The following USH2A variants were observed in gnomAD, a reference collection of about 807,000 sequenced individuals.
The protein encoded by USH2A is usherin.
In USH2A, 443 loss-of-function variants were observed where a neutral mutation model predicts 538.9. The ratio of observed to expected loss-of-function variants is 0.82; its 90% CI spans 0.76 to 0.89. The LOEUF (loss-of-function observed/expected upper bound fraction) is 0.89, where lower values mean the gene tolerates loss of function less well. USH2A is among the 40% of genes least tolerant of loss of function. The pLI is 0.00. For synonymous variants in USH2A, 2,413 were observed against 2,273.5 expected (o/e 1.06, Z -1.75); for missense variants, 6,633 against 6,324.8 (o/e 1.05, Z -1.65).
chr1:215,877,818 T>C lies in USH2A; in HGVS notation c.8621A>G (p.Asn2874Ser), dbSNP rs369509994. The part of the protein sequence containing the change: ...PLASNPPEDL[N>S]RWHNIYSGTQ... The stretch of plus-strand genomic sequence containing the variant: ...TCCTGAATAAATATTGTGCCACCGA[T>C]TTAAATCTTCTGGGGGATTTGATGC... Residue 2874 changes from asparagine to serine, a missense_variant, in exon 43 of 72, where the codon AAT becomes AGT. Coordinates refer to ENST00000307340, the MANE Select transcript of USH2A (RefSeq NM_206933.4). 1 of 1,613,850 alleles carries C rather than the reference T, an allele frequency of 6.2e-7. No homozygotes were observed. Among genetic ancestry groups the C allele is most frequent in the Non-Finnish European group, 8.5e-7 (1 of 1,179,762 alleles).
chr1:216,117,031 A>G (rs897259611), intron 21 of USH2A, among the ~76,000 whole-genome samples: 3 of 152,114 alleles, frequency 2.0e-5, no homozygotes, highest in Non-Finnish European at 4.4e-5. Context: ...ACTCATGGCC[A>G]TTACCTCTCT....
intron 49 of USH2A, among the ~76,000 whole-genome samples, chr1:215,813,182 G>T (rs571649898): frequency 6.6e-6 from 1 of 152,154 alleles, no homozygotes; most frequent in Non-Finnish European, 1.5e-5. Context: ...AAAATGGCTA[G>T]CTAAGTTGGC....
At chr1:216,022,956 C>T (rs1228857251) in intron 32 of USH2A, among the ~76,000 whole-genome samples, 2 of 152,006 alleles carry the variant, frequency 1.3e-5, no homozygotes, top group Non-Finnish European at 2.9e-5. Flanking sequence ...GTGGAGTAAC[C>T]GTGGCACTTA....
chr1:215,836,537 T>TA (rs1418618058), intron 47 of USH2A, among the ~76,000 whole-genome samples: 2 of 25,386 alleles, frequency 7.9e-5, no homozygotes, highest in Non-Finnish European at 1.3e-4. Context: ...TATATATATA[T>TA]ATATAATATA....
At chr1:216,183,520 C>T (rs1016695680) in intron 20 of USH2A, among the ~76,000 whole-genome samples, 1 of 151,800 alleles carries the variant, frequency 6.6e-6, no homozygotes, top group African/African-American at 2.4e-5. Context: ...ACTCACCAAC[C>T]GATTTAAGAT....
Position 215,893,977 on chromosome 1 carries a change from A to T in USH2A, c.7595-4923T>A, listed in dbSNP as rs59845231. ...GGAGAAAATCTATGCAACAGAAAAC[A>T]AAGTATGTAGTGAAAACATGCAGAA... On this transcript the variant is annotated intron_variant, in intron 40 of 71. Coordinates refer to ENST00000307340, the MANE Select transcript of USH2A (RefSeq NM_206933.4). 7.2e-3 allele frequency among the ~76,000 whole-genome samples: 1,099 copies of T among 152,326 alleles called. 14 individuals are homozygous for T. Among genetic ancestry groups the T allele is most frequent in the African/African-American group, 0.025 (1,037 of 41,586 alleles).
chr1:216,027,916 A>G (rs1313257175), intron 32 of USH2A, among the ~76,000 whole-genome samples: 1 of 152,234 alleles, frequency 6.6e-6, no homozygotes, highest in Non-Finnish European at 1.5e-5. Context: ...CATCTGGTAG[A>G]AATTTACGAT....
At chr1:215,797,786 A>T (rs977419603) in intron 50 of USH2A, among the ~76,000 whole-genome samples, 1 of 152,194 alleles carries the variant, frequency 6.6e-6, no homozygotes, top group African/African-American at 2.4e-5. Flanking sequence ...AATAGACAAG[A>T]AAATTAATGT....
intron 26 of USH2A, among the ~76,000 whole-genome samples, chr1:216,081,907 A>AT (rs1197243378): frequency 6.7e-6 from 1 of 149,448 alleles, no homozygotes; most frequent in African/African-American, 2.5e-5. Flanking sequence ...TTAATTTTTT[A>AT]ATTTTTTTTT....
chr1:216,288,576 T>C (rs1290072989), intron 11 of USH2A, among the ~76,000 whole-genome samples: 1 of 152,172 alleles, frequency 6.6e-6, no homozygotes, highest in Non-Finnish European at 1.5e-5. Context: ...ACAGAGTATA[T>C]AACTGTTTAA....
At chr1:215,947,902 CAGAGTA>C (rs1157351561) in intron 37 of USH2A, among the ~76,000 whole-genome samples, 1 of 151,998 alleles carries the variant, frequency 6.6e-6, no homozygotes, top group Non-Finnish European at 1.5e-5. Flanking sequence ...GTATGCCATA[CAGAGTA>C]AATCATTAAA....
chr1:216,115,390 C>A (rs1040958681), intron 21 of USH2A, among the ~76,000 whole-genome samples: 1 of 152,180 alleles, frequency 6.6e-6, no homozygotes, highest in Non-Finnish European at 1.5e-5. Flanking sequence ...AGCAATTCTC[C>A]CTCTTCAGCT....
In USH2A at chr1:215,628,130, TTGCGTCTACCCATACA is replaced by T. The variant is rs574211887; in HGVS notation, c.15519+668_15519+683del. ...CACCTGTTGATACAAAATATTCTTTTTGCGTCTACCCATACACCAATAGGAAAAGGCAAAACAAAAA... is the reference window on the plus strand; with the variant it reads ...CACCTGTTGATACAAAATATTCTTTTCCAATAGGAAAAGGCAAAACAAAAA... On this transcript the variant is annotated intron_variant, in intron 71 of 71. Transcript: ENST00000307340. Among the ~76,000 whole-genome samples, 985 of 152,268 alleles carry T rather than the reference TTGCGTCTACCCATACA, an allele frequency of 6.5e-3. 2 individuals carry two copies. The highest frequency in any genetic ancestry group is 0.011 in the Non-Finnish European group (774 of 68,022).
intron 3 of USH2A, among the ~76,000 whole-genome samples, chr1:216,380,607 G>A (rs867085327): frequency 9.2e-5 from 14 of 152,162 alleles, no homozygotes; most frequent in African/African-American, 3.4e-4. Flanking sequence ...TGACTTCAGT[G>A]TGAGACAAAA....
At chr1:216,421,122 G>A (rs552145099) in intron 2 of USH2A, among the ~76,000 whole-genome samples, 1 of 152,152 alleles carries the variant, frequency 6.6e-6, no homozygotes, top group Middle Eastern at 3.4e-3. Flanking sequence ...CTTGAGAAAA[G>A]ATTACAGAAT....
intron 61 of USH2A, among the ~76,000 whole-genome samples, chr1:215,688,717 A>G (rs925686814): frequency 6.6e-6 from 1 of 152,084 alleles, no homozygotes; most frequent in African/African-American, 2.4e-5. Flanking sequence ...TCTTCTTCTT[A>G]TAAGAACATT....
At chr1:216,159,608 A>G (rs900460935) in intron 21 of USH2A, among the ~76,000 whole-genome samples, 3 of 151,602 alleles carry the variant, frequency 2.0e-5, no homozygotes. Context: ...ATTATTATTG[A>G]CCTGTGTTTT....
chr1:216,174,491 G>A, intron 21 of USH2A: 1 of 985,386 alleles, frequency 1.0e-6, no homozygotes, highest in Non-Finnish European at 1.2e-6. Context: ...GATTGTGCTG[G>A]TACAGAGTTC....
chr1:215,755,776 A>G (rs1343606635), intron 58 of USH2A, among the ~76,000 whole-genome samples: 1 of 152,200 alleles, frequency 6.6e-6, no homozygotes, highest in African/African-American at 2.4e-5. Context: ...AATTTATACA[A>G]AGCCTGAGGT....
Sources: gnomAD v4.1 joint callset for allele counts (sites outside exome capture counted in the v4.1 genomes callset) on GRCh38, gnomAD v4.1.1 for gene constraint, MANE v1.5 for transcripts, NCBI Gene and HGNC (gene_info 2026-07-23, HGNC 2026-07-21) for gene names.